Variants in PI15 observed in about 807,000 individuals in gnomAD.
PI15 encodes the protein 25 kDa trypsin inhibitor.
A neutral mutation model predicts 31.0 loss-of-function variants in PI15; 18 were observed. The ratio of observed to expected loss-of-function variants is 0.58; its 90% CI spans 0.40 to 0.86. The LOEUF (loss-of-function observed/expected upper bound fraction) is 0.86. Ranked by LOEUF, PI15 falls within the 40% of genes least tolerant of loss-of-function variation. The probability of loss-of-function intolerance (pLI) is 0.00; values close to 1 mark genes in which losing one functional copy is unlikely to be tolerated. For missense variants in PI15, 282 were observed against 328.1 expected (o/e 0.86, Z 1.09); for synonymous variants, 118 against 119.1 (o/e 0.99, Z 0.06).
chr8:74,854,817 C>T lies in PI15; in HGVS notation c.*5564C>T, dbSNP rs1206666161. The T allele has an allele frequency of 6.6e-6, 1 of 151,856 alleles. No individual in the cohort carries two copies. The highest frequency in any genetic ancestry group is 1.5e-5 in the Non-Finnish European group (1 of 67,944). 9.4% of individuals were successfully genotyped at this position (151,856 alleles called of 1,614,324 possible). On this transcript the variant is annotated 3_prime_UTR_variant, in exon 6 of 6. Coordinates refer to ENST00000260113, the MANE Select transcript of PI15 (RefSeq NM_015886.5). Reference sequence around the variant, plus strand: ...TATATAATCCTCAAATATACTGTACCATTTTAGATATTTTTTAAACAGATT... The same window carrying T: ...TATATAATCCTCAAATATACTGTACTATTTTAGATATTTTTTAAACAGATT...
intron 5 of PI15, among the ~76,000 whole-genome samples, chr8:74,848,568 C>T (rs1811056753): frequency 6.6e-6 from 1 of 151,544 alleles, no homozygotes; most frequent in Non-Finnish European, 1.5e-5. Context: ...CAGAAATCTG[C>T]TGTAGAAGGA....
At chr8:74,832,832 C>T (rs1264823227) in intron 2 of PI15, among the ~76,000 whole-genome samples, 1 of 152,104 alleles carries the variant, frequency 6.6e-6, no homozygotes, top group African/African-American at 2.4e-5. Context: ...CGTTGCCCAA[C>T]AAGACTAAAC....
Position 74,853,953 on chromosome 8 carries a change from A to C in PI15, c.*4700A>C, listed in dbSNP as rs1811143379. On this transcript the variant is annotated 3_prime_UTR_variant, in exon 6 of 6. Coordinates refer to ENST00000260113, the MANE Select transcript of PI15 (RefSeq NM_015886.5). ...AGAGGTATAATTGTCTCACTTTCAG[A>C]AGTGATCATTTATTTTTATTTAGCA... is the stretch of plus-strand genomic sequence containing the variant. 6.6e-6 allele frequency: 1 copy of C among 152,134 alleles called. No individual in the cohort carries two copies. Among genetic ancestry groups the C allele is most frequent in the East Asian group, 1.9e-4 (1 of 5,192 alleles). 9.4% of individuals were successfully genotyped at this position (152,134 alleles called of 1,614,324 possible). A position where few individuals can be genotyped will look rare whatever the true frequency, so the allele number is the denominator to read the frequency against.
chr8:74,826,824 C>T (rs1366695902), intron 2 of PI15, among the ~76,000 whole-genome samples: 1 of 151,922 alleles, frequency 6.6e-6, no homozygotes, highest in African/African-American at 2.4e-5. Context: ...GTAATCAGAC[C>T]AGAGCCTGTT....
rs906783128 is a variant in PI15 at position 74,845,505 on chromosome 8, C to G, written c.641+8C>G. On this transcript the variant is annotated splice_region_variant and intron_variant, in intron 5 of 5. Transcript: ENST00000260113. ...ATGCAACTATGCCCCAAAGTAAGTA[C>G]CAGGTTGGATTCTATTTCCTGGATC... 6.5e-7 allele frequency: 1 copy of G among 1,538,098 alleles called. No homozygotes were observed. The highest frequency in any genetic ancestry group is 1.4e-5 in the African/African-American group (1 of 73,342).
intron 2 of PI15, among the ~76,000 whole-genome samples, chr8:74,831,564 T>G (rs893999741): frequency 2.6e-5 from 4 of 152,078 alleles, no homozygotes; most frequent in African/African-American, 9.7e-5. Flanking sequence ...TGGCACTGTG[T>G]GCTGAGGGAG....
At position 74,850,795 on chromosome 8, in the gene PI15, T is replaced by A. The variant is rs996276899; in HGVS notation, c.*1542T>A. 6.6e-6 allele frequency: 1 copy of A among 152,194 alleles called. No individual in the cohort carries two copies. Among genetic ancestry groups the A allele is most frequent in the Non-Finnish European group, 1.5e-5 (1 of 68,012 alleles). The allele number at this position is 152,194 out of a possible 1,614,324, so 9.4% of individuals were successfully genotyped here. A position where few individuals can be genotyped will look rare whatever the true frequency, so the allele number is the denominator to read the frequency against. On this transcript the variant is annotated 3_prime_UTR_variant, in exon 6 of 6. Coordinates refer to ENST00000260113, the MANE Select transcript of PI15 (RefSeq NM_015886.5). ...ATGAAATCTCTTTCAGAGAGGAGAA[T>A]ACAACATCTTAGTCCAGACATTTAA...
At chr8:74,831,466 T>C (rs777073398) in intron 2 of PI15, among the ~76,000 whole-genome samples, 7 of 152,102 alleles carry the variant, frequency 4.6e-5, no homozygotes, top group Non-Finnish European at 7.4e-5. Flanking sequence ...CCTTTAACTT[T>C]TTCTGGTTAG....
chr8:74,839,267 T>G (rs1156267671), intron 2 of PI15, among the ~76,000 whole-genome samples: 1 of 152,192 alleles, frequency 6.6e-6, no homozygotes, highest in African/African-American at 2.4e-5. Flanking sequence ...CTAATTTTAT[T>G]TATAAGCACA....
At chr8:74,835,196 T>A (rs1810845263) in intron 2 of PI15, among the ~76,000 whole-genome samples, 1 of 151,498 alleles carries the variant, frequency 6.6e-6, no homozygotes, top group African/African-American at 2.4e-5. Flanking sequence ...ACTTTAGAAT[T>A]TTTTTTATCT....
intron 2 of PI15, among the ~76,000 whole-genome samples, chr8:74,843,129 G>C (rs1291910220): frequency 6.6e-6 from 1 of 152,016 alleles, no homozygotes; most frequent in Non-Finnish European, 1.5e-5. Flanking sequence ...GATAATCTTT[G>C]TTTCTTAAAA....
chr8:74,843,499 G>A (rs1283143914), intron 2 of PI15, among the ~76,000 whole-genome samples: 2 of 152,140 alleles, frequency 1.3e-5, no homozygotes, highest in Non-Finnish European at 1.5e-5. Flanking sequence ...AGGCCAAGGC[G>A]GGTGGATCAC....
In PI15 at chr8:74,849,184, T is replaced by C. The variant is rs141213589; in HGVS notation, c.708T>C (p.Tyr236=). 32 of 1,612,238 alleles carry C rather than the reference T, an allele frequency of 2.0e-5. No homozygotes were observed. In the African/African-American group the frequency reaches 4.0e-4, roughly 20 times the overall value. The change falls in exon 6 of 6, where the codon TAT becomes TAC. Residue 236 remains tyrosine (Y), a synonymous_variant. Coordinates refer to ENST00000260113, the MANE Select transcript of PI15 (RefSeq NM_015886.5). ...CATGTTCATCTTGTCCTCCAAGTTA[T>C]GGGGGATCTTGTACTGACAATCTGT... ...GVPCSSCPPS[Y]GGSCTDNLCF... is the part of the protein sequence containing the mutation.
At chr8:74,848,579 G>C (rs1267615140) in intron 5 of PI15, among the ~76,000 whole-genome samples, 2 of 151,604 alleles carry the variant, frequency 1.3e-5, no homozygotes, top group East Asian at 1.9e-4. Flanking sequence ...TGTAGAAGGA[G>C]AGAGATTTGA....
intron 5 of PI15, among the ~76,000 whole-genome samples, chr8:74,848,726 T>TAG (rs1380012611): frequency 8.6e-4 from 123 of 142,814 alleles, no homozygotes; most frequent in African/African-American, 2.8e-3. Context: ...TATATATATA[T>TAG]ATATATAGAG....
intron 2 of PI15, among the ~76,000 whole-genome samples, chr8:74,835,204 T>G (rs1406173854): frequency 1.3e-5 from 2 of 152,202 alleles, no homozygotes; most frequent in African/African-American, 4.8e-5. Context: ...ATTTTTTTTA[T>G]CTTTTTAAAA....
chr8:74,837,823 AC>A, intron 2 of PI15, among the ~76,000 whole-genome samples: 1 of 152,184 alleles, frequency 6.6e-6, no homozygotes, highest in Admixed American at 6.5e-5. Flanking sequence ...TATGAAAATA[AC>A]TTTATTTCTG....
chr8:74,824,985 T>C (rs925321463), intron 1 of PI15: 3 of 443,424 alleles, frequency 6.8e-6, no homozygotes, highest in Admixed American at 3.8e-5. Context: ...TCATGCTGTT[T>C]ATTTTTCTCT....
At chr8:74,844,191 A>G in intron 3 of PI15, 92 bp downstream of exon 3, 1 of 746,408 alleles carries the variant, frequency 1.3e-6, no homozygotes, top group South Asian at 1.5e-5. Context: ...AGTAATATCA[A>G]CAAATTCTTA....
Sources: allele counts gnomAD v4.1 joint callset (sites outside exome capture counted in the v4.1 genomes callset), GRCh38; gene constraint gnomAD v4.1.1; transcripts MANE v1.5; gene names NCBI Gene and HGNC (gene_info 2026-07-23, HGNC 2026-07-21).